Variants in SAMD3 observed in about 807,000 individuals in gnomAD.
SAMD3 encodes the protein sterile alpha motif domain containing 3, also known as sterile alpha motif domain-containing protein 3.
A neutral mutation model predicts 58.5 loss-of-function variants in SAMD3; 63 were observed. That is an observed-to-expected ratio of 1.08 (90% CI 0.88 to 1.33). The LOEUF (loss-of-function observed/expected upper bound fraction) is 1.33, where lower values mean the gene tolerates loss of function less well. Among genes scored for constraint, SAMD3 ranks in the 40% most tolerant of loss-of-function variants. SAMD3 has a pLI of 0.00. For synonymous variants in SAMD3, 220 were observed against 210.3 expected (o/e 1.05, Z -0.40); for missense variants, 604 against 608.4 (o/e 0.99, Z 0.08).
At chr6:130,244,760 T>A (rs887283790) in intron 2 of SAMD3, among the ~76,000 whole-genome samples, 3 of 148,950 alleles carry the variant, frequency 2.0e-5, no homozygotes, top group African/African-American at 7.5e-5. Context: ...AAAATAAAAA[T>A]AAAAATAAAA....
chr6:130,204,248 G>A (rs1794881280), intron 5 of SAMD3, among the ~76,000 whole-genome samples: 1 of 152,094 alleles, frequency 6.6e-6, no homozygotes, highest in African/African-American at 2.4e-5. Context: ...TAAAAGAGAG[G>A]TGAACAGTTT....
In SAMD3 at chr6:130,264,855, G is replaced by GA. The variant is rs549713748; in HGVS notation, c.-187-42043dup. ...AAAACCCTTTATACCCTATGTGTCA[G>GA]AAAAAAAAAAAATGGCAGTTGGAGT... is the stretch of plus-strand genomic sequence containing the variant. On this transcript the variant is annotated intron_variant, in intron 2 of 13. Transcript: ENST00000368134. Among the ~76,000 whole-genome samples the GA allele has an allele frequency of 5.7e-3, 823 of 144,968 alleles. 5 individuals are homozygous for GA. The highest frequency in any genetic ancestry group is 0.014 in the African/African-American group (554 of 39,874).
intron 1 of SAMD3, among the ~76,000 whole-genome samples, chr6:130,331,568 C>T (rs1353478184): frequency 6.6e-6 from 1 of 151,914 alleles, no homozygotes; most frequent in Non-Finnish European, 1.5e-5. Flanking sequence ...TAAAAAAATA[C>T]AAAAATTAGG....
At chr6:130,269,528 T>C (rs1296196989) in intron 2 of SAMD3, among the ~76,000 whole-genome samples, 1 of 152,190 alleles carries the variant, frequency 6.6e-6, no homozygotes, top group Non-Finnish European at 1.5e-5. Context: ...TTTCTTACTA[T>C]CCCTTTAATG....
At chr6:130,359,005 C>T (rs997833764) in intron 1 of SAMD3, among the ~76,000 whole-genome samples, 11 of 152,250 alleles carry the variant, frequency 7.2e-5, no homozygotes, top group Middle Eastern at 3.4e-3. Flanking sequence ...CATCAGACTG[C>T]GTGGGCTCAT....
At chr6:130,253,677 T>G (rs2114912803) in intron 2 of SAMD3, among the ~76,000 whole-genome samples, 1 of 150,744 alleles carries the variant, frequency 6.6e-6, no homozygotes, top group African/African-American at 2.4e-5. Flanking sequence ...ATATCAATGC[T>G]TTCTATTTTA....
chr6:130,335,565 A>G (rs944169629), intron 1 of SAMD3, among the ~76,000 whole-genome samples: 1 of 152,264 alleles, frequency 6.6e-6, no homozygotes, highest in African/African-American at 2.4e-5. Context: ...ACTCTGTGTC[A>G]GTAGATGACT....
chr6:130,288,023 A>G (rs10872359), intron 2 of SAMD3, among the ~76,000 whole-genome samples: 42,201 of 151,874 alleles, frequency 0.28, 6,318 homozygotes, highest in East Asian at 0.45. Context: ...TTCCAGCTAT[A>G]AGCAGCCAGT....
At chr6:130,254,015 CAA>C (rs1347573463) in intron 2 of SAMD3, among the ~76,000 whole-genome samples, 1 of 151,574 alleles carries the variant, frequency 6.6e-6, no homozygotes, top group Non-Finnish European at 1.5e-5. Flanking sequence ...TTTTTTGAGA[CAA>C]AGTCTCACTC....
Position 130,249,543 on chromosome 6 carries a change from G to A in SAMD3, c.-187-26730C>T, listed in dbSNP as rs186558755. ...GTATTTATCAACATCTGCATCCCACGGTGTATGCTTTTATTCTATTATACA... is the reference window on the plus strand; with the variant it reads ...GTATTTATCAACATCTGCATCCCACAGTGTATGCTTTTATTCTATTATACA... On this transcript the variant is annotated intron_variant, in intron 2 of 13. Coordinates refer to the SAMD3 transcript ENST00000368134. Among the ~76,000 whole-genome samples the A allele has an allele frequency of 4.6e-5, 7 of 152,022 alleles. No individual in the cohort carries two copies. The South Asian group carries it at 6.2e-4, about 14-fold the overall frequency.
intron 8 of SAMD3, chr6:130,162,077 G>A (rs9321214): frequency 0.83 from 428,400 of 515,332 alleles, 178,727 homozygotes; most frequent in East Asian, 0.92. Context: ...AGGAATCAGC[G>A]TAAATTAACC....
At chr6:130,290,673 T>C (rs1298909598) in intron 2 of SAMD3, among the ~76,000 whole-genome samples, 1 of 152,200 alleles carries the variant, frequency 6.6e-6, no homozygotes, top group Non-Finnish European at 1.5e-5. Context: ...TCAGCAAATA[T>C]TGCATTCTTT....
intron 5 of SAMD3, among the ~76,000 whole-genome samples, chr6:130,204,050 C>T (rs1460441608): frequency 2.0e-5 from 3 of 148,238 alleles, no homozygotes; most frequent in South Asian, 2.1e-4. Context: ...GTGGCCAGAC[C>T]GAAAAAAAAA....
intron 5 of SAMD3, among the ~76,000 whole-genome samples, chr6:130,184,859 T>C (rs1015439973): frequency 1.3e-5 from 2 of 152,210 alleles, no homozygotes; most frequent in Admixed American, 6.5e-5. Flanking sequence ...GTCATAATAA[T>C]ATAGACTTTA....
At chr6:130,269,501 A>ATAC (rs1774482018) in intron 2 of SAMD3, among the ~76,000 whole-genome samples, 1 of 152,034 alleles carries the variant, frequency 6.6e-6, no homozygotes, top group African/African-American at 2.4e-5. Flanking sequence ...TTACGAACAT[A>ATAC]AAGTTGTTTG....
chr6:130,184,061 G>T, intron 7 of SAMD3, 42 bp downstream of exon 7: 1 of 1,492,626 alleles, frequency 6.7e-7, no homozygotes, highest in Non-Finnish European at 9.3e-7. Context: ...ATTATTTTAA[G>T]ATAGTCTGAA....
intron 2 of SAMD3, among the ~76,000 whole-genome samples, chr6:130,272,825 C>A (rs1774613768): frequency 6.6e-6 from 1 of 152,114 alleles, no homozygotes; most frequent in African/African-American, 2.4e-5. Flanking sequence ...ATTCCTGGGA[C>A]ATGCCACCAT....
intron 8 of SAMD3, among the ~76,000 whole-genome samples, chr6:130,171,202 G>T (rs1024780822): frequency 2.6e-5 from 4 of 152,152 alleles, no homozygotes; most frequent in Admixed American, 1.3e-4. Flanking sequence ...ATAGGCATGT[G>T]GTTTTTGTCA....
In SAMD3 at chr6:130,210,470, G is replaced by C. The variant is rs140497584; in HGVS notation, c.270-862C>G. ...AAAAATTAGCTGGACATGGTGGCAGGTGCCTGTAATCTCAGCTACTTGGGA... is the reference window on the plus strand; with the variant it reads ...AAAAATTAGCTGGACATGGTGGCAGCTGCCTGTAATCTCAGCTACTTGGGA... On this transcript the variant is annotated intron_variant, in intron 4 of 11. Coordinates refer to ENST00000439090, the MANE Select transcript of SAMD3 (RefSeq NM_001017373.4). 5.3e-3 allele frequency among the ~76,000 whole-genome samples: 799 copies of C among 152,098 alleles called. 10 individuals are homozygous for C. Among genetic ancestry groups the C allele is most frequent in the African/African-American group, 0.018 (766 of 41,478 alleles).
Sources: allele counts gnomAD v4.1 joint callset (sites outside exome capture counted in the v4.1 genomes callset), GRCh38; gene constraint gnomAD v4.1.1; transcripts MANE v1.5; gene names NCBI Gene and HGNC (gene_info 2026-07-23, HGNC 2026-07-21).